The following GPAT3 variants were observed in gnomAD, a reference collection of about 807,000 sequenced individuals.
GPAT3 encodes the protein 1-AGP acyltransferase 9.
In GPAT3, 53 loss-of-function variants were observed where a neutral mutation model predicts 58.8. The observed-to-expected ratio is 0.90, with a 90% CI of 0.72 to 1.13. The LOEUF is 1.13. Ranked by LOEUF, GPAT3 falls within the 50% of genes most tolerant of loss-of-function variation. The pLI, the probability that GPAT3 is intolerant of heterozygous loss-of-function variation, is 0.00. For missense variants in GPAT3, 511 were observed against 527.6 expected (o/e 0.97, Z 0.31); for synonymous variants, 197 against 187.4 (o/e 1.05, Z -0.42).
Position 83,566,264 on chromosome 4 carries a change from C to G in GPAT3, c.209-15298C>G, listed in dbSNP as rs571470186. The stretch of plus-strand genomic sequence containing the variant: ...ATGTTGACCAGGCTGGTCTGGAACT[C>G]CTGACCTCAGGTGACCCACCTGCCT... On this transcript the variant is annotated intron_variant, in intron 2 of 11. Transcript: ENST00000264409. 4.6e-5 allele frequency among the ~76,000 whole-genome samples: 7 copies of G among 152,234 alleles called. No individual in the cohort carries two copies. In the South Asian group the frequency reaches 1.5e-3, roughly 32 times the overall value.
chr4:83,595,534 C>A (rs1726789296), intron 7 of GPAT3, among the ~76,000 whole-genome samples: 1 of 151,978 alleles, frequency 6.6e-6, no homozygotes, highest in African/African-American at 2.4e-5. Flanking sequence ...CCAGCCTGGG[C>A]AGTATAGTGA....
chr4:83,596,659 A>G (rs1726851469), intron 7 of GPAT3, among the ~76,000 whole-genome samples, 199 bp from the exon 8 acceptor site: 1 of 152,166 alleles, frequency 6.6e-6, no homozygotes. Flanking sequence ...TTACTTTGAA[A>G]TTAGAGAAAT....
chr4:83,536,622 C>A lies in GPAT3; in HGVS notation c.-1C>A, dbSNP rs1724100287. 2 of 1,611,872 alleles carry A rather than the reference C, an allele frequency of 1.2e-6. No individual in the cohort carries two copies. Reference sequence around the variant, plus strand: ...CCTCTCCTGAGTGGGTGCGCCGAGTCATGGAGGGCGCAGAGCTGGCCGGGA... The same window carrying A: ...CCTCTCCTGAGTGGGTGCGCCGAGTAATGGAGGGCGCAGAGCTGGCCGGGA... On this transcript the variant is annotated 5_prime_UTR_variant, in exon 1 of 12. Transcript: ENST00000264409.
intron 2 of GPAT3, among the ~76,000 whole-genome samples, chr4:83,576,643 C>T (rs1725831555): frequency 6.6e-6 from 1 of 151,938 alleles, no homozygotes; most frequent in South Asian, 2.1e-4. Flanking sequence ...TGGGATTTCG[C>T]ATGTTGGCCA....
intron 3 of GPAT3, among the ~76,000 whole-genome samples, chr4:83,586,313 A>G (rs1578192418): frequency 6.6e-6 from 1 of 152,154 alleles, no homozygotes; most frequent in Non-Finnish European, 1.5e-5. Context: ...ACTGTTCCTG[A>G]CCCTTAACCT....
intron 1 of GPAT3, among the ~76,000 whole-genome samples, chr4:83,538,529 T>A (rs938739188): frequency 2.6e-5 from 4 of 152,224 alleles, no homozygotes; most frequent in African/African-American, 9.7e-5. Flanking sequence ...CATACAGCAA[T>A]GTCTTTTGGA....
At position 83,579,084 on chromosome 4, in the gene GPAT3, TTCCTTCC is replaced by T. The variant is rs1560621493; in HGVS notation, c.209-2476_209-2470del. 1.1e-3 allele frequency among the ~76,000 whole-genome samples: 66 copies of T among 62,314 alleles called. 2 individuals carry two copies. Among genetic ancestry groups the T allele is most frequent in the Admixed American group, 1.8e-3 (10 of 5,558 alleles). The allele number at this position is 62,314 out of a possible 152,430, so 40.9% of individuals were successfully genotyped here. On this transcript the variant is annotated intron_variant, in intron 2 of 11. Coordinates refer to ENST00000264409, the MANE Select transcript of GPAT3 (RefSeq NM_032717.5). ...TTTCTTTCTTTCTTTCTTTCTTCCC[TTCCTTCC>T]TTCCTTCCTTCCTTCCTTCCTTCCT...
At chr4:83,601,753 CAAAT>C (rs780755008) in intron 11 of GPAT3, among the ~76,000 whole-genome samples, 35 of 152,284 alleles carry the variant, frequency 2.3e-4, no homozygotes, top group Non-Finnish European at 3.5e-4. Flanking sequence ...GACCCTGTCT[CAAAT>C]AAATAAATAA....
In GPAT3 at chr4:83,537,588, AAT is replaced by A. The variant is rs199948946; in HGVS notation, c.141+828_141+829del. Among the ~76,000 whole-genome samples, 312 of 131,006 alleles carry A rather than the reference AAT, an allele frequency of 2.4e-3. 1 individual carries two copies. The highest frequency in any genetic ancestry group is 8.3e-3 in the African/African-American group (284 of 34,284). 85.9% of individuals were successfully genotyped at this position (131,006 alleles called of 152,430 possible). ...TAAAAAAAAATTTAATTATATGTAT[AAT>A]ATGTGTGTGTGTGTGTGTGTGTGTG... On this transcript the variant is annotated intron_variant, in intron 1 of 11. Coordinates refer to ENST00000264409, the MANE Select transcript of GPAT3 (RefSeq NM_032717.5).
intron 7 of GPAT3, 135 bp from the exon 8 acceptor site, chr4:83,596,723 A>C: frequency 1.5e-6 from 1 of 677,580 alleles, no homozygotes; most frequent in Non-Finnish European, 2.6e-6. Flanking sequence ...ACTCAAATTT[A>C]TTTCTTTTAC....
chr4:83,563,012 A>G (rs1235899526), intron 2 of GPAT3, among the ~76,000 whole-genome samples: 1 of 152,174 alleles, frequency 6.6e-6, no homozygotes, highest in Non-Finnish European at 1.5e-5. Flanking sequence ...ATTATTAGGG[A>G]CTTCTAAAGC....
intron 2 of GPAT3, among the ~76,000 whole-genome samples, chr4:83,549,444 C>CGTGT (rs142294690): frequency 0.093 from 13,515 of 145,734 alleles, 717 homozygotes; most frequent in African/African-American, 0.11. Context: ...TTTTATTTTG[C>CGTGT]GTGTGTGTGT....
intron 2 of GPAT3, among the ~76,000 whole-genome samples, chr4:83,550,534 G>A (rs550482660): frequency 3.9e-5 from 6 of 152,168 alleles, no homozygotes; most frequent in East Asian, 1.9e-4. Flanking sequence ...ATTTATCAAC[G>A]CTCTCATTTT....
At chr4:83,593,822 T>C (rs143392681) in intron 6 of GPAT3, among the ~76,000 whole-genome samples, 64 of 152,344 alleles carry the variant, frequency 4.2e-4, no homozygotes, top group African/African-American at 7.2e-4. Context: ...TAAAATCCAA[T>C]TGGGTTCACT....
chr4:83,593,862 C>G (rs910700980), intron 6 of GPAT3, among the ~76,000 whole-genome samples: 3 of 152,236 alleles, frequency 2.0e-5, no homozygotes, highest in Admixed American at 6.5e-5. Context: ...CTGTCATTCG[C>G]TCCTTACTGA....
intron 2 of GPAT3, among the ~76,000 whole-genome samples, chr4:83,579,792 C>T (rs1363573742): frequency 6.6e-6 from 1 of 152,150 alleles, no homozygotes; most frequent in East Asian, 1.9e-4. Flanking sequence ...CTTTTGACTC[C>T]AGGTCCTCTT....
At position 83,597,409 on chromosome 4, in the gene GPAT3, C is replaced by T. The variant is rs758016036; in HGVS notation, c.911-21C>T. On this transcript the variant is annotated intron_variant, in intron 8 of 11. Coordinates refer to ENST00000264409, the MANE Select transcript of GPAT3 (RefSeq NM_032717.5). ...GACTGCCTTTAAAAATATTCACGCT[C>T]CTACCCTCACCCCCTTGCAGGAACT... 73 of 1,415,712 alleles carry T rather than the reference C, an allele frequency of 5.2e-5. 1 individual carries two copies. Among genetic ancestry groups the T allele is most frequent in the South Asian group, 3.3e-4 (21 of 63,536 alleles). The allele number at this position is 1,415,712 out of a possible 1,614,324, so 87.7% of individuals were successfully genotyped here. A position where few individuals can be genotyped will look rare whatever the true frequency, so the allele number is the denominator to read the frequency against.
intron 8 of GPAT3, 58 bp downstream of exon 8, chr4:83,596,971 G>A: frequency 6.7e-7 from 1 of 1,494,380 alleles, no homozygotes; most frequent in Non-Finnish European, 9.3e-7. Context: ...TCAAAAGTGT[G>A]TGAGGAATAG....
chr4:83,536,224 T>G lies in GPAT3; in HGVS notation c.-399T>G. 1.0e-6 allele frequency: 1 copy of G among 994,572 alleles called. No homozygotes were observed. The highest frequency in any genetic ancestry group is 1.2e-6 in the Non-Finnish European group (1 of 836,080). 61.6% of individuals were successfully genotyped at this position (994,572 alleles called of 1,614,324 possible). ...GGGCCTCCGTGAGTCATCTGCTGAG[T>G]TGTCGCAATCGCCACCCAGAGGAAA... On this transcript the variant is annotated 5_prime_UTR_variant, in exon 1 of 12. Coordinates refer to ENST00000264409, the MANE Select transcript of GPAT3 (RefSeq NM_032717.5).
Sources: gnomAD v4.1 joint callset for allele counts (sites outside exome capture counted in the v4.1 genomes callset) on GRCh38, gnomAD v4.1.1 for gene constraint, MANE v1.5 for transcripts, NCBI Gene and HGNC (gene_info 2026-07-23, HGNC 2026-07-21) for gene names.